The following ABCA8 variants were observed in gnomAD, a reference collection of about 807,000 sequenced individuals.
ABCA8 encodes ATP binding cassette subfamily A member 8.
Under a neutral mutation model 192.3 loss-of-function variants are expected in ABCA8, and 177 were observed. That is an observed-to-expected ratio of 0.92 (90% CI 0.81 to 1.04). The LOEUF (loss-of-function observed/expected upper bound fraction) is 1.04, where lower values mean the gene tolerates loss of function less well. Ranked by LOEUF, ABCA8 falls within the 50% of genes least tolerant of loss-of-function variation. The probability of loss-of-function intolerance (pLI) is 0.00; values close to 1 mark genes in which losing one functional copy is unlikely to be tolerated. For synonymous variants in ABCA8, 642 were observed against 690.2 expected, an observed-to-expected ratio of 0.93 and a Z score of 1.09; for missense variants, 1,915 against 1,904.8, an observed-to-expected ratio of 1.01 and a Z score of -0.10.
At chr17:68,881,020 G>GT (rs367734145) in intron 32 of ABCA8, 100 bp downstream of exon 32, 2 of 812,706 alleles carry the variant, frequency 2.5e-6, no homozygotes, top group African/African-American at 3.4e-5. Context: ...AATCACTTCA[G>GT]TTATATAAGG....
intron 7 of ABCA8, among the ~76,000 whole-genome samples, chr17:68,931,492 C>T (rs1020228693): frequency 1.3e-5 from 2 of 151,990 alleles, no homozygotes; most frequent in African/African-American, 4.8e-5. Flanking sequence ...TATTTGTTTT[C>T]TCAAAGTTTT....
chr17:68,934,206 G>T lies in ABCA8; in HGVS notation c.467-935C>A, dbSNP rs557763716. Among the ~76,000 whole-genome samples the T allele has an allele frequency of 2.6e-5, 4 of 150,966 alleles. No individual in the cohort carries two copies. The South Asian group carries it at 6.3e-4, about 24-fold the overall frequency. On this transcript the variant is annotated intron_variant, in intron 5 of 39. Transcript: ENST00000586539. ...ATTTAATTTTTTCTTCTTTTTTATG[G>T]TTATGGAATCCCATTGCAGGAATGT...
At chr17:68,919,237 T>G (rs971750677) in intron 14 of ABCA8, 64 bp downstream of exon 14, 7 of 1,380,302 alleles carry the variant, frequency 5.1e-6, no homozygotes, top group Non-Finnish European at 6.9e-6. Flanking sequence ...AAATTAAAAC[T>G]CAGTGCAAAT....
chr17:68,945,136 T>C (rs1002103706), intron 2 of ABCA8, among the ~76,000 whole-genome samples: 1 of 151,944 alleles, frequency 6.6e-6, no homozygotes. Context: ...CCTTTGAAAG[T>C]TGAGGGTGGA....
rs2066932426 is a variant in ABCA8, at chr17:68,902,147, T to A, written c.2764+566A>T. On this transcript the variant is annotated intron_variant, in intron 21 of 39. Transcript: ENST00000586539. ...TGATACATAGATAAATGCTACAACA[T>A]AGATCAACTTTGAAAACATGCTAAG... Among the ~76,000 whole-genome samples the A allele has an allele frequency of 2.6e-5, 4 of 152,228 alleles. No individual in the cohort carries two copies. The South Asian group carries it at 8.3e-4, about 31-fold the overall frequency.
In ABCA8 at chr17:68,890,440, A is replaced by G. The variant is rs146066046; in HGVS notation, c.3144+1049T>C. 7.7e-3 allele frequency among the ~76,000 whole-genome samples: 1,175 copies of G among 152,240 alleles called. 18 individuals are homozygous for G. Among genetic ancestry groups the G allele is most frequent in the African/African-American group, 0.027 (1,121 of 41,556 alleles). Reference sequence around the variant, plus strand: ...GAGTTCTTTACATATTTTTGATACAAATCTTTGTCACATATATAAGTATAG... The same window carrying G: ...GAGTTCTTTACATATTTTTGATACAGATCTTTGTCACATATATAAGTATAG... On this transcript the variant is annotated intron_variant, in intron 24 of 39. Coordinates refer to ENST00000586539, the MANE Select transcript of ABCA8 (RefSeq NM_001288985.2).
chr17:68,875,672 TGTAGTGG>T lies in ABCA8; in HGVS notation c.4425_4431del (p.His1476TrpfsTer19). 6.2e-7 allele frequency: 1 copy of T among 1,614,120 alleles called. No homozygotes were observed. The highest frequency in any genetic ancestry group is 8.5e-7 in the Non-Finnish European group (1 of 1,180,006). On this transcript the variant is annotated frameshift_variant, in exon 36 of 40. Coordinates refer to ENST00000586539, the MANE Select transcript of ABCA8 (RefSeq NM_001288985.2). LOFTEE classifies it high-confidence loss of function. ...TCACACACGGCCTCAGCCTCTGCCATGTAGTGGGTGGTTAGGAGGGCACCCCTTTCCG... is the reference window on the plus strand; with the variant it reads ...TCACACACGGCCTCAGCCTCTGCCATGTGGTTAGGAGGGCACCCCTTTCCG...
intron 36 of ABCA8, 92 bp from the exon 37 acceptor site, chr17:68,875,492 G>T: frequency 1.1e-5 from 18 of 1,594,446 alleles, no homozygotes; most frequent in Non-Finnish European, 1.5e-5. Context: ...TTGTCTCAAG[G>T]TCCCTATTGT....
intron 17 of ABCA8, among the ~76,000 whole-genome samples, chr17:68,908,247 G>A (rs764593169): frequency 6.6e-6 from 1 of 152,150 alleles, no homozygotes; most frequent in Non-Finnish European, 1.5e-5. Flanking sequence ...AATGGATAAC[G>A]TTGCAGTTGA....
At chr17:68,914,469 A>G (rs181810705) in intron 17 of ABCA8, among the ~76,000 whole-genome samples, 39 of 152,298 alleles carry the variant, frequency 2.6e-4, no homozygotes, top group African/African-American at 7.2e-4. Flanking sequence ...AAATCAATAT[A>G]CAAAAATCAA....
chr17:68,935,402 C>A (rs148791949), intron 5 of ABCA8, among the ~76,000 whole-genome samples: 1 of 151,320 alleles, frequency 6.6e-6, no homozygotes, highest in African/African-American at 2.4e-5. Flanking sequence ...CAGACATGAG[C>A]CACCACGCCC....
chr17:68,887,909 CAT>C (rs146099895), intron 24 of ABCA8, among the ~76,000 whole-genome samples: 151 of 37,512 alleles, frequency 4.0e-3, no homozygotes, highest in Middle Eastern at 0.015. Flanking sequence ...TATATATATC[CAT>C]ATATATATAT....
chr17:68,873,354 C>G (rs1238437634), intron 37 of ABCA8, among the ~76,000 whole-genome samples: 2 of 152,178 alleles, frequency 1.3e-5, no homozygotes, highest in Admixed American at 1.3e-4. Flanking sequence ...TGTAAATTCA[C>G]TCAGTGATAT....
intron 26 of ABCA8, among the ~76,000 whole-genome samples, chr17:68,885,554 C>CTT (rs4148025): frequency 2.7e-5 from 4 of 146,440 alleles, no homozygotes; most frequent in Non-Finnish European, 1.5e-5. Context: ...TTTTTTCTCT[C>CTT]TTTTTTTTTT....
intron 10 of ABCA8, among the ~76,000 whole-genome samples, chr17:68,927,427 C>G (rs2067730504): frequency 6.9e-6 from 1 of 145,294 alleles, no homozygotes; most frequent in African/African-American, 2.5e-5. Context: ...ATTGGCTTTC[C>G]TATTGTGAAC....
intron 22 of ABCA8, among the ~76,000 whole-genome samples, 185 bp from the exon 23 acceptor site, chr17:68,894,495 A>C (rs890214742): frequency 6.6e-6 from 1 of 152,222 alleles, no homozygotes; most frequent in African/African-American, 2.4e-5. Context: ...ACATGTATAT[A>C]GTAAAACTAA....
At chr17:68,885,115 T>C in intron 27 of ABCA8, 81 bp downstream of exon 27, 5 of 1,430,958 alleles carry the variant, frequency 3.5e-6, no homozygotes, top group South Asian at 1.4e-5. Flanking sequence ...AAACATGTTG[T>C]AGTAGACCTT....
At position 68,940,909 on chromosome 17, in the gene ABCA8, A is replaced by G; in HGVS notation, c.150T>C (p.Ser50=). ...GTGAAGAAAAATCATTTACTTGATG[A>G]CTATGAGGATATATATACAAACAAA... ...LLLCLYIYPH[S]HQVNDFSSLL... The change falls in exon 4 of 40, where the codon AGT becomes AGC. Residue 50 remains serine (S), a synonymous_variant. Transcript: ENST00000586539. The G allele has an allele frequency of 6.2e-7, 1 of 1,612,714 alleles. No individual in the cohort carries two copies. The highest frequency in any genetic ancestry group is 8.5e-7 in the Non-Finnish European group (1 of 1,178,878).
rs201344087 is a variant in ABCA8 at position 68,927,916 on chromosome 17, T to A, written c.1273A>T (p.Asn425Tyr). 6.3e-7 allele frequency: 1 copy of A among 1,595,368 alleles called. No homozygotes were observed. Among genetic ancestry groups the A allele is most frequent in the African/African-American group, 1.3e-5 (1 of 74,158 alleles). The change falls in exon 10 of 40, where the codon AAT (asparagine) becomes TAT (tyrosine). Residue 425 changes from asparagine (N) to tyrosine (Y), a missense_variant and splice_region_variant. Coordinates refer to ENST00000586539, the MANE Select transcript of ABCA8 (RefSeq NM_001288985.2). ...LAIYFEKILP[N>Y]EYGHRRPPLF... ...TGATTTTAATCATATCATTACTCAC[T>A]TGGCAAAATTTTTTCAAAGTAAATC...
Sources: allele counts gnomAD v4.1 joint callset (sites outside exome capture counted in the v4.1 genomes callset), GRCh38; gene constraint gnomAD v4.1.1; transcripts MANE v1.5; gene names NCBI Gene and HGNC (gene_info 2026-07-23, HGNC 2026-07-21).